MLPH: variants seen among roughly 807,000 people sequenced by gnomAD.
MLPH encodes the protein exophilin-3.
MLPH carries 51 observed loss-of-function variants against 72.1 expected under a neutral mutation model. The observed-to-expected ratio is 0.71, with a 90% CI of 0.56 to 0.89. The LOEUF (loss-of-function observed/expected upper bound fraction) is 0.89. Ranked by LOEUF, MLPH falls within the 40% of genes least tolerant of loss-of-function variation. MLPH has a pLI of 0.00. For synonymous variants in MLPH, 301 were observed against 310.1 expected, an observed-to-expected ratio of 0.97 and a Z score of 0.31; for missense variants, 743 against 759.9, an observed-to-expected ratio of 0.98 and a Z score of 0.26.
intron 8 of MLPH, among the ~76,000 whole-genome samples, chr2:237,528,159 T>A (rs1372458823): frequency 1.3e-5 from 2 of 152,050 alleles, no homozygotes; most frequent in Admixed American, 6.5e-5. Flanking sequence ...GGGCACAGAG[T>A]CTCTGCTTTG....
chr2:237,519,802 C>A, intron 5 of MLPH, 108 bp from the exon 6 acceptor site: 1 of 1,521,496 alleles, frequency 6.6e-7, no homozygotes, highest in Non-Finnish European at 9.1e-7. Context: ...GAGGAGCCTG[C>A]CCCGCCCCTC....
At chr2:237,497,678 A>G (rs1422266831) in intron 2 of MLPH, among the ~76,000 whole-genome samples, 1 of 149,774 alleles carries the variant, frequency 6.7e-6, no homozygotes, top group Non-Finnish European at 1.5e-5. Context: ...CCAGAAATCC[A>G]TGATGAAACG....
chr2:237,519,338 T>C (rs974262986), intron 5 of MLPH, among the ~76,000 whole-genome samples: 1 of 152,308 alleles, frequency 6.6e-6, no homozygotes, highest in South Asian at 2.1e-4. Flanking sequence ...CATCTTTCGT[T>C]TGAGAACATT....
intron 4 of MLPH, among the ~76,000 whole-genome samples, chr2:237,517,785 A>G (rs1277455236): frequency 6.7e-6 from 1 of 148,674 alleles, no homozygotes; most frequent in African/African-American, 2.5e-5. Context: ...GGATGGGTGC[A>G]TTGGTGGGTG....
At chr2:237,497,517 G>A (rs1359436909) in intron 2 of MLPH, among the ~76,000 whole-genome samples, 1 of 152,212 alleles carries the variant, frequency 6.6e-6, no homozygotes, top group African/African-American at 2.4e-5. Context: ...CAGGTGACTT[G>A]AGCACCGCAA....
rs73085706 is a variant in MLPH at position 237,554,173 on chromosome 2, C to T, written c.*581C>T. The stretch of plus-strand genomic sequence containing the variant: ...TACGTGCACCCGCTCTGCAAGTTCC[C>T]ATGTGATCTGTAGACCAGGGGAAAT... On this transcript the variant is annotated 3_prime_UTR_variant, in exon 16 of 16. Transcript: ENST00000264605. 3,050 of 229,674 alleles carry T rather than the reference C, an allele frequency of 0.013. 91 individuals are homozygous for T. Among genetic ancestry groups the T allele is most frequent in the African/African-American group, 0.064 (2,861 of 44,864 alleles). 14.2% of individuals were successfully genotyped at this position (229,674 alleles called of 1,614,324 possible).
rs550263371 is a variant in MLPH at position 237,549,204 on chromosome 2, C to T, written c.1618-17C>T. On this transcript the variant is annotated splice_polypyrimidine_tract_variant and intron_variant, in intron 13 of 15. Coordinates refer to ENST00000264605, the MANE Select transcript of MLPH (RefSeq NM_024101.7). ...GTCACAACTTGATGAAGCCTGGAGA[C>T]ACTCTGTTTCTTCTAGGCAATGGCT... 26 of 1,611,810 alleles carry T rather than the reference C, an allele frequency of 1.6e-5. No individual in the cohort carries two copies. The highest frequency in any genetic ancestry group is 1.1e-4 in the South Asian group (10 of 91,032).
chr2:237,540,318 G>A (rs368403770), intron 9 of MLPH, 30 bp from the exon 10 acceptor site: 237 of 1,611,854 alleles, frequency 1.5e-4, no homozygotes, highest in Non-Finnish European at 1.9e-4. Context: ...ATGGCTAGCC[G>A]AATCCAAATC....
Position 237,549,225 on chromosome 2 carries a change from T to C in MLPH, c.1622T>C (p.Met541Thr). The change falls in exon 14 of 16, where the codon ATG becomes ACG. Residue 541 changes from methionine (M) to threonine (T), a missense_variant. Physicochemically the swap from Met to Thr is moderately conservative, Grantham distance 81. Coordinates refer to ENST00000264605, the MANE Select transcript of MLPH (RefSeq NM_024101.7). ...GAGACACTCTGTTTCTTCTAGGCAA[T>C]GGCTGTGCCCTATCTTCTGAGAAGA... is the stretch of plus-strand genomic sequence containing the variant. ...NADPSSEAKA[M>T]AVPYLLRRKF... The C allele has an allele frequency of 6.2e-7, 1 of 1,614,126 alleles. No homozygotes were observed. Among genetic ancestry groups the C allele is most frequent in the African/African-American group, 1.3e-5 (1 of 75,038 alleles).
chr2:237,540,641 C>T, intron 10 of MLPH, 108 bp downstream of exon 10: 2 of 1,497,758 alleles, frequency 1.3e-6, no homozygotes. Context: ...CCCACAGGAG[C>T]ACACCAAGGG....
chr2:237,509,930 C>T (rs559629586), intron 2 of MLPH: 4 of 154,886 alleles, frequency 2.6e-5, no homozygotes, highest in African/African-American at 7.2e-5. Flanking sequence ...GAAAATATTA[C>T]GTTTGGCAGA....
At chr2:237,490,283 T>G (rs1416504405) in intron 1 of MLPH, among the ~76,000 whole-genome samples, 1 of 151,906 alleles carries the variant, frequency 6.6e-6, no homozygotes, top group Admixed American at 6.6e-5. Context: ...GAGCCATGAT[T>G]GCACTATCGC....
chr2:237,540,193 G>A (rs1026143479), intron 9 of MLPH, among the ~76,000 whole-genome samples, 155 bp from the exon 10 acceptor site: 1 of 152,252 alleles, frequency 6.6e-6, no homozygotes, highest in Non-Finnish European at 1.5e-5. Context: ...GCCCCAGAGG[G>A]GCATGTTGGA....
At chr2:237,523,919 A>G (rs1341773381) in intron 6 of MLPH, among the ~76,000 whole-genome samples, 3 of 149,776 alleles carry the variant, frequency 2.0e-5, no homozygotes, top group African/African-American at 7.4e-5. Flanking sequence ...TCGGGTAAGT[A>G]ATATGGTTCG....
At chr2:237,519,760 T>C in intron 5 of MLPH, 150 bp from the exon 6 acceptor site, 1 of 1,149,914 alleles carries the variant, frequency 8.7e-7, no homozygotes, top group African/African-American at 1.5e-5. Flanking sequence ...TGGTCAGGTT[T>C]GTTCCTAGTG....
chr2:237,553,894 C>G lies in MLPH; in HGVS notation c.*302C>G. ...TTGTGTAAATCTTTGAAGGACACACCGAAGACCTTTATACTGTGATCTTTT... is the reference window on the plus strand; with the variant it reads ...TTGTGTAAATCTTTGAAGGACACACGGAAGACCTTTATACTGTGATCTTTT... On this transcript the variant is annotated 3_prime_UTR_variant, in exon 16 of 16. Transcript: ENST00000264605. The G allele has an allele frequency of 5.3e-6, 3 of 568,124 alleles. No individual in the cohort carries two copies. Among genetic ancestry groups the G allele is most frequent in the South Asian group, 3.6e-5 (2 of 55,770 alleles). The allele number at this position is 568,124 out of a possible 1,614,324, so 35.2% of individuals were successfully genotyped here.
chr2:237,505,002 G>A lies in MLPH; in HGVS notation c.111-5572G>A, dbSNP rs184784603. Among the ~76,000 whole-genome samples, 4 of 152,244 alleles carry A rather than the reference G, an allele frequency of 2.6e-5. No individual in the cohort carries two copies. Among genetic ancestry groups the A allele is most frequent in the Admixed American group, 6.5e-5 (1 of 15,296 alleles). ...ATCTCCCAGACTCTGCTCACTTACC[G>A]GGTCTCTGTTCCTGGCTCAGCTTCT... On this transcript the variant is annotated intron_variant, in intron 2 of 15. Transcript: ENST00000264605. The surrounding 1 kb of genome is among the most constrained non-coding windows in gnomAD (Gnocchi z 4.5).
intron 14 of MLPH, chr2:237,552,034 C>A: frequency 3.2e-6 from 1 of 312,132 alleles, no homozygotes; most frequent in Non-Finnish European, 5.9e-6. Context: ...ATGCGAAGAC[C>A]ACACACCAGT....
chr2:237,552,404 C>T lies in MLPH; in HGVS notation c.1743C>T (p.Asn581=), dbSNP rs767840362. The T allele has an allele frequency of 3.8e-5, 61 of 1,613,920 alleles. No homozygotes were observed. Among genetic ancestry groups the T allele is most frequent in the Non-Finnish European group, 5.0e-5 (59 of 1,179,998 alleles). Reference sequence around the variant, plus strand: ...GCTCGCTGACACAGAGAAACCCCAACGCGAGGAAAGGAATGGCCAGCCACA... The same window carrying T: ...GCTCGCTGACACAGAGAAACCCCAATGCGAGGAAAGGAATGGCCAGCCACA... ...YRGSLTQRNP[N]ARKGMASHTF... Residue 581 remains asparagine, a synonymous_variant, in exon 15 of 16, where the codon AAC becomes AAT. Coordinates refer to ENST00000264605, the MANE Select transcript of MLPH (RefSeq NM_024101.7).
Sources: gnomAD v4.1 joint callset for allele counts (sites outside exome capture counted in the v4.1 genomes callset) on GRCh38, gnomAD v4.1.1 for gene constraint, Gnocchi (gnomAD v3.1) non-coding constraint, MANE v1.5 for transcripts, NCBI Gene and HGNC (gene_info 2026-07-23, HGNC 2026-07-21) for gene names.